The following GRIK1 variants were observed in gnomAD, a reference collection of about 807,000 sequenced individuals.
The protein encoded by GRIK1 is glutamate receptor ionotropic, kainate 1.
GRIK1 carries 69 observed loss-of-function variants against 105.7 expected under a neutral mutation model. The observed-to-expected ratio is 0.65, with a 90% CI of 0.54 to 0.80. GRIK1 has a LOEUF of 0.80. Ranked by LOEUF, GRIK1 falls within the 30% of genes least tolerant of loss-of-function variation. GRIK1 has a pLI of 0.00. For missense variants in GRIK1, 1,109 were observed against 1,167.3 expected (o/e 0.95, Z 0.73); for synonymous variants, 438 against 431.3 (o/e 1.02, Z -0.19).
At chr21:29,605,183 T>A (rs745931931) in intron 7 of GRIK1, among the ~76,000 whole-genome samples, 6 of 152,158 alleles carry the variant, frequency 3.9e-5, no homozygotes, top group Non-Finnish European at 7.4e-5. Flanking sequence ...AAGCCCAGCA[T>A]CCATTAGCTG....
chr21:29,847,525 T>C (rs8127702), intron 1 of GRIK1, among the ~76,000 whole-genome samples: 47,789 of 151,992 alleles, frequency 0.31, 8,086 homozygotes, highest in East Asian at 0.46. Flanking sequence ...ACCTGGGAGG[T>C]GGAGGGTGCA....
chr21:29,599,102 C>A (rs778980974), intron 7 of GRIK1, among the ~76,000 whole-genome samples, 165 bp from the exon 8 acceptor site: 19 of 152,196 alleles, frequency 1.2e-4, no homozygotes, highest in Non-Finnish European at 1.9e-4. Flanking sequence ...CAGAACACAT[C>A]GTCTTTTTAT....
Position 29,759,992 on chromosome 21 carries a change from A to C in GRIK1, c.119-65929T>G, listed in dbSNP as rs930583423. The C allele has an allele frequency of 4.6e-5, 7 of 152,340 alleles. No homozygotes were observed. The East Asian group carries it at 7.7e-4, about 17-fold the overall frequency. 9.4% of individuals were successfully genotyped at this position (152,340 alleles called of 1,614,324 possible). ...TTGCTACCATTTATTGGTTGTCCAT[A>C]ATAATCTTTATTCTGTTTCTGTTCC... On this transcript the variant is annotated intron_variant, in intron 1 of 17. Transcript: ENST00000327783.
intron 1 of GRIK1, among the ~76,000 whole-genome samples, chr21:29,784,523 A>T (rs915018350): frequency 6.6e-6 from 1 of 152,148 alleles, no homozygotes; most frequent in African/African-American, 2.4e-5. Context: ...TTTTAAAAAA[A>T]TATCACATTA....
chr21:29,555,066 T>C lies in GRIK1; in HGVS notation c.2593A>G (p.Asn865Asp). Residue 865 changes from asparagine (N) to aspartate (D), a missense_variant, in exon 16 of 18, where the codon AAT (asparagine) becomes GAT (aspartate). Physicochemically the swap from Asn to Asp is conservative, Grantham distance 23. Transcript: ENST00000327783. ...GEFIYKSRKN[N>D]DIEQKGKSSR... ...AGATGACTCACCTGTTCAATATCATTATTCTTCCGTGATTTGTATATGAAT... is the reference window on the plus strand; with the variant it reads ...AGATGACTCACCTGTTCAATATCATCATTCTTCCGTGATTTGTATATGAAT... The C allele has an allele frequency of 6.2e-7, 1 of 1,610,336 alleles. No homozygotes were observed. Among genetic ancestry groups the C allele is most frequent in the Non-Finnish European group, 8.5e-7 (1 of 1,176,678 alleles).
chr21:29,863,282 G>T (rs191558998), intron 1 of GRIK1, among the ~76,000 whole-genome samples: 40 of 152,218 alleles, frequency 2.6e-4, no homozygotes, highest in African/African-American at 8.7e-4. Context: ...GTCAGGGGTG[G>T]AGGTCCAAAA....
chr21:29,635,501 C>T (rs563221294), intron 7 of GRIK1, among the ~76,000 whole-genome samples: 1 of 152,272 alleles, frequency 6.6e-6, no homozygotes, highest in East Asian at 1.9e-4. Context: ...CAAGAGAAGT[C>T]TGAAATAGGT....
At chr21:29,666,293 C>T (rs1054240960) in intron 4 of GRIK1, among the ~76,000 whole-genome samples, 1 of 152,080 alleles carries the variant, frequency 6.6e-6, no homozygotes, top group Non-Finnish European at 1.5e-5. Flanking sequence ...ATCTCAGTTG[C>T]TTGGGAGGCT....
intron 1 of GRIK1, among the ~76,000 whole-genome samples, chr21:29,925,867 CA>C (rs1463304217): frequency 6.6e-6 from 1 of 152,136 alleles, no homozygotes; most frequent in East Asian, 1.9e-4. Flanking sequence ...CCCTTGTATG[CA>C]CATGTACTTA....
At chr21:29,914,766 T>G (rs771133039) in intron 1 of GRIK1, among the ~76,000 whole-genome samples, 2 of 152,022 alleles carry the variant, frequency 1.3e-5, no homozygotes, top group African/African-American at 4.8e-5. Context: ...CTTGGATCCT[T>G]AAGTCCCCAT....
intron 1 of GRIK1, among the ~76,000 whole-genome samples, chr21:29,816,172 C>T (rs757593939): frequency 1.4e-4 from 21 of 152,038 alleles, no homozygotes; most frequent in Middle Eastern, 3.4e-3. Flanking sequence ...GACAGACAAA[C>T]GGCCAACAGG....
chr21:29,828,918 A>G (rs1475584298), intron 1 of GRIK1, among the ~76,000 whole-genome samples: 1 of 152,186 alleles, frequency 6.6e-6, no homozygotes. Flanking sequence ...TAACAGAGCG[A>G]TATTCAAACC....
chr21:29,756,889 G>A (rs766928873), intron 1 of GRIK1, among the ~76,000 whole-genome samples: 13 of 152,220 alleles, frequency 8.5e-5, no homozygotes, highest in South Asian at 6.2e-4. Flanking sequence ...CGAGGTGGGC[G>A]GATCGTCTGA....
At chr21:29,607,466 GT>G (rs2061647762) in intron 7 of GRIK1, among the ~76,000 whole-genome samples, 1 of 150,216 alleles carries the variant, frequency 6.7e-6, no homozygotes, top group Non-Finnish European at 1.5e-5. Flanking sequence ...AGGATTTTCT[GT>G]TTTTATTATT....
chr21:29,738,886 G>T (rs2146929500), intron 1 of GRIK1, among the ~76,000 whole-genome samples: 1 of 152,286 alleles, frequency 6.6e-6, no homozygotes, highest in Non-Finnish European at 1.5e-5. Context: ...CAATAATGCA[G>T]CCTTTTGTAA....
At chr21:29,749,570 G>T (rs149875661) in intron 1 of GRIK1, among the ~76,000 whole-genome samples, 1 of 152,188 alleles carries the variant, frequency 6.6e-6, no homozygotes, top group Non-Finnish European at 1.5e-5. Flanking sequence ...ATCCCAAGCT[G>T]CCTCCTCTTC....
intron 10 of GRIK1, 94 bp from the exon 11 acceptor site, chr21:29,589,136 A>AT: frequency 1.4e-6 from 1 of 724,142 alleles, no homozygotes; most frequent in Non-Finnish European, 2.4e-6. Context: ...TTTGATAATG[A>AT]TTTTGAAGAG....
At chr21:29,626,572 G>A (rs956287024) in intron 7 of GRIK1, among the ~76,000 whole-genome samples, 5 of 152,164 alleles carry the variant, frequency 3.3e-5, no homozygotes, top group African/African-American at 1.2e-4. Flanking sequence ...TTGATGCTGG[G>A]CTTCCAGCAT....
chr21:29,646,959 C>T (rs1186471919), intron 6 of GRIK1, among the ~76,000 whole-genome samples: 1 of 152,022 alleles, frequency 6.6e-6, no homozygotes, highest in East Asian at 1.9e-4. Context: ...GATTCTCCTG[C>T]TTCAGCCTCC....
Sources: gnomAD v4.1 joint callset for allele counts (sites outside exome capture counted in the v4.1 genomes callset) on GRCh38, gnomAD v4.1.1 for gene constraint, MANE v1.5 for transcripts, NCBI Gene and HGNC (gene_info 2026-07-23, HGNC 2026-07-21) for gene names.